ABHD17B: variants seen among roughly 807,000 people sequenced by gnomAD.
ABHD17B encodes the protein abhydrolase domain containing 17B, depalmitoylase, also known as alpha/beta hydrolase domain-containing protein 17B.
ABHD17B carries 9 observed loss-of-function variants against 26.2 expected under a neutral mutation model. That is an observed-to-expected ratio of 0.34 (90% CI 0.21 to 0.60). ABHD17B has a LOEUF of 0.60. Ranked by LOEUF, ABHD17B falls within the 20% of genes least tolerant of loss-of-function variation. ABHD17B has a pLI of 0.80. For synonymous variants in ABHD17B, 127 were observed against 122.3 expected (o/e 1.04, Z -0.25); for missense variants, 224 against 352.1 (o/e 0.64, Z 2.91).
intron 1 of ABHD17B, among the ~76,000 whole-genome samples, chr9:71,884,779 G>C (rs966879281): frequency 6.6e-6 from 1 of 151,900 alleles, no homozygotes; most frequent in African/African-American, 2.4e-5. Flanking sequence ...CTAGTATCAA[G>C]CAGAATACTT....
chr9:71,899,059 G>A lies in ABHD17B; in HGVS notation c.-4+11575C>T, dbSNP rs767450243. Among the ~76,000 whole-genome samples the A allele has an allele frequency of 3.3e-5, 5 of 151,940 alleles. No homozygotes were observed. The South Asian group carries it at 1.0e-3, about 31-fold the overall frequency. On this transcript the variant is annotated intron_variant, in intron 1 of 3. Coordinates refer to ENST00000333421, the MANE Select transcript of ABHD17B (RefSeq NM_001025780.3). ...GAATAGCTTGAACCCGGTAGGCAGAGGCTACAGTGAGCCGAGATTGTGCCA... is the reference window on the plus strand; with the variant it reads ...GAATAGCTTGAACCCGGTAGGCAGAAGCTACAGTGAGCCGAGATTGTGCCA...
chr9:71,878,902 T>C (rs968325106), intron 1 of ABHD17B, among the ~76,000 whole-genome samples: 3 of 152,120 alleles, frequency 2.0e-5, no homozygotes, highest in Admixed American at 1.3e-4. Context: ...ACACCTATAA[T>C]CCCAACACTT....
rs531806727 is a variant in ABHD17B, at chr9:71,907,943, TG to T, written c.-4+2690del. On this transcript the variant is annotated intron_variant, in intron 1 of 3. Transcript: ENST00000333421. ...TCTCACTTCACTTGGACAAAACTCTTGGGCATGAACAGGTGTTTGGAAAACA... is the reference window on the plus strand; with the variant it reads ...TCTCACTTCACTTGGACAAAACTCTTGGCATGAACAGGTGTTTGGAAAACA... Among the ~76,000 whole-genome samples the T allele has an allele frequency of 3.7e-4, 56 of 152,340 alleles. 1 individual carries two copies. Among genetic ancestry groups the T allele is most frequent in the African/African-American group, 1.3e-3 (55 of 41,578 alleles).
chr9:71,911,089 C>T lies in ABHD17B; in HGVS notation c.-459G>A, dbSNP rs2132228664. On this transcript the variant is annotated 5_prime_UTR_variant, in exon 1 of 4. Coordinates refer to ENST00000333421, the MANE Select transcript of ABHD17B (RefSeq NM_001025780.3). ...TTTAATCCTGCTTTCTTTGCTCCTCCTCAGCCTGCCAAGCGCGAGGCTCGT... is the reference window on the plus strand; with the variant it reads ...TTTAATCCTGCTTTCTTTGCTCCTCTTCAGCCTGCCAAGCGCGAGGCTCGT... Among the ~76,000 whole-genome samples, 1 of 152,310 alleles carries T rather than the reference C, an allele frequency of 6.6e-6. No homozygotes were observed. The highest frequency in any genetic ancestry group is 2.1e-4 in the South Asian group (1 of 4,830).
intron 1 of ABHD17B, among the ~76,000 whole-genome samples, chr9:71,888,335 C>T (rs538548590): frequency 5.9e-5 from 9 of 152,330 alleles, no homozygotes; most frequent in African/African-American, 2.2e-4. Context: ...CCCTAATCAT[C>T]AGCTTTTGGC....
intron 1 of ABHD17B, among the ~76,000 whole-genome samples, chr9:71,902,710 G>A (rs1253826995): frequency 6.6e-6 from 1 of 152,090 alleles, no homozygotes; most frequent in African/African-American, 2.4e-5. Flanking sequence ...TTACTTTTAG[G>A]GGTTGGGTCC....
chr9:71,903,855 G>A (rs532418861), intron 1 of ABHD17B, among the ~76,000 whole-genome samples: 5 of 152,132 alleles, frequency 3.3e-5, no homozygotes, highest in East Asian at 1.9e-4. Flanking sequence ...AGTGGGGGGC[G>A]GGAAGTAGGC....
intron 1 of ABHD17B, among the ~76,000 whole-genome samples, chr9:71,905,111 G>A (rs1827246395): frequency 6.6e-6 from 1 of 151,896 alleles, no homozygotes. Flanking sequence ...GCATGCTAAA[G>A]AGTGGAAGAA....
chr9:71,871,382 A>G (rs1826107808), intron 2 of ABHD17B, among the ~76,000 whole-genome samples: 1 of 152,220 alleles, frequency 6.6e-6, no homozygotes, highest in Admixed American at 6.5e-5. Context: ...GGACACAGAA[A>G]GTGGGGCTCT....
chr9:71,885,318 G>T (rs1158121796), intron 1 of ABHD17B, among the ~76,000 whole-genome samples: 1 of 151,878 alleles, frequency 6.6e-6, no homozygotes, highest in Non-Finnish European at 1.5e-5. Flanking sequence ...AAATTAGCCA[G>T]GCGTGGAGGC....
chr9:71,866,396 A>C lies in ABHD17B; in HGVS notation c.*391T>G. ...GCTTTAGATACATAGCTTTTTTCAA[A>C]ATATTACAGTTGTATTCCAGGATAA... On this transcript the variant is annotated 3_prime_UTR_variant, in exon 4 of 4. Coordinates refer to ENST00000333421, the MANE Select transcript of ABHD17B (RefSeq NM_001025780.3). 8 of 984,070 alleles carry C rather than the reference A, an allele frequency of 8.1e-6. No individual in the cohort carries two copies. In the South Asian group the frequency reaches 2.6e-4, roughly 31 times the overall value. 61.0% of individuals were successfully genotyped at this position (984,070 alleles called of 1,614,324 possible).
intron 1 of ABHD17B, among the ~76,000 whole-genome samples, chr9:71,883,747 G>A (rs1436198127): frequency 2.0e-5 from 3 of 152,100 alleles, no homozygotes; most frequent in Middle Eastern, 3.2e-3. Context: ...GACCAACCTG[G>A]CCAACATGGT....
rs1447430341 is a variant in ABHD17B at position 71,865,263 on chromosome 9, C to T, written c.*1524G>A. ...TATACTATAGTCTTAAACATAACCA[C>T]GGAACGAGCAGAACAATTAAAACTA... On this transcript the variant is annotated 3_prime_UTR_variant, in exon 4 of 4. Transcript: ENST00000333421. 4 of 985,416 alleles carry T rather than the reference C, an allele frequency of 4.1e-6. No individual in the cohort carries two copies. The highest frequency in any genetic ancestry group is 4.8e-6 in the Non-Finnish European group (4 of 829,764). The allele number at this position is 985,416 out of a possible 1,614,324, so 61.0% of individuals were successfully genotyped here.
chr9:71,892,165 A>G (rs887467826), intron 1 of ABHD17B, among the ~76,000 whole-genome samples: 2 of 152,170 alleles, frequency 1.3e-5, no homozygotes, highest in Non-Finnish European at 2.9e-5. Flanking sequence ...ACAATCTTCC[A>G]TAGTATATAA....
intron 1 of ABHD17B, among the ~76,000 whole-genome samples, chr9:71,883,099 C>T (rs1388896796): frequency 7.9e-5 from 12 of 152,230 alleles, no homozygotes; most frequent in East Asian, 1.9e-4. Flanking sequence ...GCTGAGATTG[C>T]GCCATTGCAC....
chr9:71,892,171 T>A (rs1286247658), intron 1 of ABHD17B, among the ~76,000 whole-genome samples: 1 of 152,164 alleles, frequency 6.6e-6, no homozygotes, highest in Non-Finnish European at 1.5e-5. Flanking sequence ...TTCCATAGTA[T>A]ATAAAAAGAA....
chr9:71,865,526 G>A lies in ABHD17B; in HGVS notation c.*1261C>T. On this transcript the variant is annotated 3_prime_UTR_variant, in exon 4 of 4. Transcript: ENST00000333421. ...CTCCTATACCCAGGAGTGAATCCAT[G>A]AAATTCTCAGATAGTAATCCAAAAC... is the stretch of plus-strand genomic sequence containing the variant. The A allele has an allele frequency of 1.0e-6, 1 of 985,170 alleles. No homozygotes were observed. The highest frequency in any genetic ancestry group is 1.2e-6 in the Non-Finnish European group (1 of 829,764). 61.0% of individuals were successfully genotyped at this position (985,170 alleles called of 1,614,324 possible). A position where few individuals can be genotyped will look rare whatever the true frequency, so the allele number is the denominator to read the frequency against.
intron 1 of ABHD17B, among the ~76,000 whole-genome samples, chr9:71,888,746 A>C (rs1271404950): frequency 6.6e-6 from 1 of 152,196 alleles, no homozygotes; most frequent in African/African-American, 2.4e-5. Flanking sequence ...GCATATGAGC[A>C]TGGACCCACA....
chr9:71,891,191 TAAA>T (rs902251752), intron 1 of ABHD17B, among the ~76,000 whole-genome samples: 4 of 152,214 alleles, frequency 2.6e-5, no homozygotes, highest in Admixed American at 1.3e-4. Context: ...TACCAAGTAA[TAAA>T]AGTGTCTACC....
Sources: allele counts gnomAD v4.1 joint callset (sites outside exome capture counted in the v4.1 genomes callset), GRCh38; gene constraint gnomAD v4.1.1; transcripts MANE v1.5; gene names NCBI Gene and HGNC (gene_info 2026-07-23, HGNC 2026-07-21).